Variants in ZMIZ1 observed in about 807,000 individuals in gnomAD.
The protein encoded by ZMIZ1 is zinc finger MIZ-type containing 1, also known as zinc finger MIZ domain-containing protein 1.
A neutral mutation model predicts 113.9 loss-of-function variants in ZMIZ1; 17 were observed. That is an observed-to-expected ratio of 0.15 (90% confidence interval 0.10 to 0.22). The LOEUF is 0.22. ZMIZ1 is among the 10% of genes least tolerant of loss of function. ZMIZ1 has a pLI of 1.00. For synonymous variants in ZMIZ1, 607 were observed against 603.1 expected, an observed-to-expected ratio of 1.01 and a Z score of -0.09; for missense variants, 1,059 against 1,477.8, an observed-to-expected ratio of 0.72 and a Z score of 4.65.
chr10:79,092,004 T>C (rs1190988871), intron 1 of ZMIZ1, among the ~76,000 whole-genome samples: 2 of 151,972 alleles, frequency 1.3e-5, no homozygotes, highest in African/African-American at 4.8e-5. Context: ...CTCCCTGTAC[T>C]GGGTGGGATG....
chr10:79,273,228 C>G (rs577183210), intron 7 of ZMIZ1, among the ~76,000 whole-genome samples: 7 of 152,348 alleles, frequency 4.6e-5, no homozygotes, highest in Non-Finnish European at 1.0e-4. Context: ...GTCAGCTTGG[C>G]TGACGGGGGG....
intron 8 of ZMIZ1, chr10:79,285,732 A>G: frequency 2.7e-6 from 1 of 371,790 alleles, no homozygotes; most frequent in Non-Finnish European, 5.4e-6. Flanking sequence ...AGCCCAAGAA[A>G]TCAGTGACAG....
At chr10:79,114,475 G>A (rs1843907527) in intron 1 of ZMIZ1, among the ~76,000 whole-genome samples, 1 of 125,974 alleles carries the variant, frequency 7.9e-6, no homozygotes, top group East Asian at 2.3e-4. Context: ...GTGTGTGTGT[G>A]TCTGTGTGTG....
At chr10:79,134,936 A>G (rs1341026835) in intron 2 of ZMIZ1, among the ~76,000 whole-genome samples, 1 of 151,940 alleles carries the variant, frequency 6.6e-6, no homozygotes, top group East Asian at 1.9e-4. Flanking sequence ...CTCCTGTCTC[A>G]GCCTCCCGAG....
At chr10:79,108,734 GATATA>G (rs1347673615) in intron 1 of ZMIZ1, among the ~76,000 whole-genome samples, 1 of 152,152 alleles carries the variant, frequency 6.6e-6, no homozygotes, top group East Asian at 1.9e-4. Context: ...CAGGGACAGT[GATATA>G]AATGCTTACA....
At chr10:79,182,170 A>C (rs1847149518) in intron 4 of ZMIZ1, among the ~76,000 whole-genome samples, 1 of 152,244 alleles carries the variant, frequency 6.6e-6, no homozygotes, top group Non-Finnish European at 1.5e-5. Context: ...CCCGAGGGGC[A>C]AGGGCTATGT....
chr10:79,241,345 C>G (rs777203253), intron 7 of ZMIZ1, among the ~76,000 whole-genome samples: 18 of 152,118 alleles, frequency 1.2e-4, no homozygotes, highest in Non-Finnish European at 1.9e-4. Context: ...TGCGGTGCTG[C>G]TTGGGAGGGC....
chr10:79,145,691 G>A (rs1845451006), intron 3 of ZMIZ1, among the ~76,000 whole-genome samples: 1 of 152,198 alleles, frequency 6.6e-6, no homozygotes, highest in Admixed American at 6.5e-5. Context: ...AAGGGCTTTA[G>A]CGGAGGGAGG....
chr10:79,137,280 T>C (rs1051210120), intron 2 of ZMIZ1, among the ~76,000 whole-genome samples: 4 of 152,184 alleles, frequency 2.6e-5, no homozygotes, highest in African/African-American at 9.7e-5. Flanking sequence ...ATGTGCAGGC[T>C]GGCCTCTGAG....
At chr10:79,248,507 G>A (rs1262521854) in intron 7 of ZMIZ1, among the ~76,000 whole-genome samples, 3 of 152,190 alleles carry the variant, frequency 2.0e-5, no homozygotes, top group Non-Finnish European at 4.4e-5. Flanking sequence ...CAGGGCTGCT[G>A]CTGAGTAGCA....
At chr10:79,127,847 G>A (rs560542997) in intron 2 of ZMIZ1, among the ~76,000 whole-genome samples, 1 of 152,266 alleles carries the variant, frequency 6.6e-6, no homozygotes, top group East Asian at 1.9e-4. Context: ...TGCCAGTGGC[G>A]CTGACATTTA....
intron 7 of ZMIZ1, among the ~76,000 whole-genome samples, chr10:79,271,129 A>G (rs1564569006): frequency 6.6e-6 from 1 of 152,292 alleles, no homozygotes; most frequent in South Asian, 2.1e-4. Flanking sequence ...TGTGTGCCAG[A>G]TGAGCACACA....
chr10:79,131,261 A>G (rs1251160336), intron 2 of ZMIZ1, among the ~76,000 whole-genome samples: 1 of 151,968 alleles, frequency 6.6e-6, no homozygotes, highest in African/African-American at 2.4e-5. Flanking sequence ...CATTGAGGAC[A>G]TTTCTGAGAC....
At chr10:79,172,648 G>A (rs1172427822) in intron 4 of ZMIZ1, among the ~76,000 whole-genome samples, 1 of 152,152 alleles carries the variant, frequency 6.6e-6, no homozygotes, top group Non-Finnish European at 1.5e-5. Flanking sequence ...CCTTTGGTTG[G>A]CCTCTCACTC....
intron 6 of ZMIZ1, among the ~76,000 whole-genome samples, 198 bp from the exon 7 acceptor site, chr10:79,215,971 G>C (rs1355953403): frequency 6.6e-6 from 1 of 152,206 alleles, no homozygotes; most frequent in African/African-American, 2.4e-5. Context: ...ACGGGGCCAG[G>C]ATCCCAGGGC....
At chr10:79,311,309 CT>C (rs1855144888) in intron 24 of ZMIZ1, 125 bp downstream of exon 24, 2 of 1,025,912 alleles carry the variant, frequency 1.9e-6, no homozygotes, top group African/African-American at 3.4e-5. Flanking sequence ...GGTGGGAGGG[CT>C]TCACCCAGAC....
rs372688900 is a variant in ZMIZ1 at position 79,301,704 on chromosome 10, A to T, written c.2020-403A>T. Among the ~76,000 whole-genome samples, 70 of 152,284 alleles carry T rather than the reference A, an allele frequency of 4.6e-4. No homozygotes were observed. The East Asian group carries it at 0.012, about 27-fold the overall frequency. On this transcript the variant is annotated intron_variant, in intron 17 of 24. Transcript: ENST00000334512. ...TGCTGTGTGAGGCTGCACAACTGTC[A>T]GAGTGAGGCGGCTGATGGGTGGACG...
intron 7 of ZMIZ1, among the ~76,000 whole-genome samples, chr10:79,245,935 G>A (rs1357948286): frequency 1.3e-5 from 2 of 152,234 alleles, no homozygotes; most frequent in Admixed American, 6.5e-5. Context: ...AAGCTCCATG[G>A]ACGACAGACA....
intron 4 of ZMIZ1, among the ~76,000 whole-genome samples, chr10:79,184,892 C>T (rs183230260): frequency 2.5e-4 from 38 of 152,316 alleles, no homozygotes; most frequent in Non-Finnish European, 4.1e-4. Flanking sequence ...CAGCTGCTGT[C>T]AGATGAAGGC....
Sources: allele counts gnomAD v4.1 joint callset (sites outside exome capture counted in the v4.1 genomes callset), GRCh38; gene constraint gnomAD v4.1.1; transcripts MANE v1.5; gene names NCBI Gene and HGNC (gene_info 2026-07-23, HGNC 2026-07-21).